Variants in CDYL2 observed in about 807,000 individuals in gnomAD.
The protein encoded by CDYL2 is chromodomain Y like 2.
CDYL2 carries 23 observed loss-of-function variants against 49.4 expected under a neutral mutation model. The ratio of observed to expected loss-of-function variants is 0.47; its 90% CI spans 0.34 to 0.66. The LOEUF is 0.66. Among genes scored for constraint, CDYL2 ranks in the 30% least tolerant of loss-of-function variants. The pLI is 0.01. For missense variants in CDYL2, 678 were observed against 656.4 expected, an observed-to-expected ratio of 1.03 and a Z score of -0.36; for synonymous variants, 360 against 268.8, an observed-to-expected ratio of 1.34 and a Z score of -3.32.
intron 2 of CDYL2, among the ~76,000 whole-genome samples, chr16:80,666,094 A>T (rs1909251614): frequency 6.6e-6 from 1 of 152,166 alleles, no homozygotes; most frequent in Non-Finnish European, 1.5e-5. Context: ...CCACTGCTTC[A>T]TCCTTTCTGG....
intron 1 of CDYL2, among the ~76,000 whole-genome samples, chr16:80,707,899 C>T (rs1904460125): frequency 6.6e-6 from 1 of 152,152 alleles, no homozygotes; most frequent in African/African-American, 2.4e-5. Flanking sequence ...CCATTGATGC[C>T]TCTTAAACCA....
rs114775251 is a variant in CDYL2 at position 80,710,685 on chromosome 16, T to C, written c.25-25556A>G. ...TTTTAGTTGTATTGTCACGATAGGA[T>C]TGAAGGTGATCTATTGTACATCTTG... On this transcript the variant is annotated intron_variant, in intron 1 of 6. Transcript: ENST00000570137. Among the ~76,000 whole-genome samples the C allele has an allele frequency of 4.0e-3, 610 of 152,256 alleles. 4 individuals carry two copies. The highest frequency in any genetic ancestry group is 0.014 in the African/African-American group (587 of 41,544).
At chr16:80,793,581 A>T (rs1400021549) in intron 1 of CDYL2, among the ~76,000 whole-genome samples, 2 of 152,192 alleles carry the variant, frequency 1.3e-5, no homozygotes, top group Non-Finnish European at 2.9e-5. Context: ...TTTACTGAAA[A>T]GCTACAGGTC....
intron 1 of CDYL2, among the ~76,000 whole-genome samples, chr16:80,697,776 C>A (rs1904281890): frequency 1.3e-5 from 2 of 151,656 alleles, no homozygotes; most frequent in African/African-American, 4.8e-5. Flanking sequence ...AACAAACTAG[C>A]TGAAAAAGAA....
chr16:80,716,241 T>C (rs1346232925), intron 1 of CDYL2, among the ~76,000 whole-genome samples: 6 of 152,282 alleles, frequency 3.9e-5, no homozygotes, highest in African/African-American at 1.4e-4. Context: ...ATATATGCTA[T>C]TTCCTTCCAA....
At chr16:80,662,645 A>T in intron 2 of CDYL2, 1 of 435,044 alleles carries the variant, frequency 2.3e-6, no homozygotes, top group Non-Finnish European at 4.6e-6. Context: ...AATGATGAAA[A>T]TGTTCAATAT....
chr16:80,753,700 T>C lies in CDYL2; in HGVS notation c.24+50450A>G, dbSNP rs527491176. Among the ~76,000 whole-genome samples the C allele has an allele frequency of 1.3e-3, 191 of 152,294 alleles. No homozygotes were observed. In the Middle Eastern group the frequency reaches 0.014, roughly 11 times the overall value. ...TCTTCCAGAAGGTAACATGGCAAAG[T>C]GCCTTCATGACCTTCAGATAGAAAA... On this transcript the variant is annotated intron_variant, in intron 1 of 6. Coordinates refer to ENST00000570137, the MANE Select transcript of CDYL2 (RefSeq NM_152342.4).
intron 3 of CDYL2, among the ~76,000 whole-genome samples, chr16:80,629,538 A>G (rs2123282): frequency 0.079 from 11,972 of 152,156 alleles, 1,562 homozygotes; most frequent in African/African-American, 0.27. Flanking sequence ...TCTTCTCCCA[A>G]TGGGGAAGTG....
chr16:80,738,608 G>A (rs1407956890), intron 1 of CDYL2: 1 of 152,156 alleles, frequency 6.6e-6, no homozygotes, highest in African/African-American at 2.4e-5. Flanking sequence ...GGCTAAGGTG[G>A]GGACACAAGA....
At chr16:80,627,292 TA>T (rs910324034) in intron 3 of CDYL2, among the ~76,000 whole-genome samples, 125 of 141,228 alleles carry the variant, frequency 8.9e-4, no homozygotes, top group South Asian at 1.3e-3. Flanking sequence ...GAGAGGCAAA[TA>T]AAAAAAAAAA....
chr16:80,745,692 G>C (rs1000398389), intron 1 of CDYL2, among the ~76,000 whole-genome samples: 1 of 152,172 alleles, frequency 6.6e-6, no homozygotes, highest in Admixed American at 6.5e-5. Context: ...TGGAGCAAGA[G>C]GTGATTTCTG....
chr16:80,598,708 C>T lies in CDYL2; in HGVS notation c.*5680G>A, dbSNP rs1424812594. ...GGGACTACACAGTAGAAACACCAAC[C>T]TGAGATAGTGAGCTTCAATTAGAAA... On this transcript the variant is annotated 3_prime_UTR_variant, in exon 7 of 7. Coordinates refer to ENST00000570137, the MANE Select transcript of CDYL2 (RefSeq NM_152342.4). 1 of 152,118 alleles carries T rather than the reference C, an allele frequency of 6.6e-6. No homozygotes were observed. The highest frequency in any genetic ancestry group is 1.5e-5 in the Non-Finnish European group (1 of 68,036). The allele number at this position is 152,118 out of a possible 1,614,324, so 9.4% of individuals were successfully genotyped here.
intron 1 of CDYL2, among the ~76,000 whole-genome samples, chr16:80,706,505 C>T (rs910397420): frequency 5.3e-5 from 8 of 152,204 alleles, no homozygotes; most frequent in East Asian, 1.9e-4. Context: ...CATTGTTGCA[C>T]GTTGCAGGGA....
At chr16:80,679,699 C>T (rs1909897060) in intron 2 of CDYL2, 1 of 455,966 alleles carries the variant, frequency 2.2e-6, no homozygotes, top group African/African-American at 2.0e-5. Flanking sequence ...ACTCCAGGTG[C>T]AGAGCACAAG....
chr16:80,724,930 G>C (rs977742111), intron 1 of CDYL2, among the ~76,000 whole-genome samples: 1 of 152,128 alleles, frequency 6.6e-6, no homozygotes, highest in Middle Eastern at 3.2e-3. Context: ...CTGTAAGATC[G>C]TGTCCTCAAA....
intron 1 of CDYL2, among the ~76,000 whole-genome samples, chr16:80,761,020 C>G (rs985447814): frequency 6.6e-6 from 1 of 152,148 alleles, no homozygotes; most frequent in Admixed American, 6.5e-5. Flanking sequence ...GTGCAATAGA[C>G]TTCAGAATGT....
At chr16:80,754,360 G>C (rs764928393) in intron 1 of CDYL2, among the ~76,000 whole-genome samples, 9 of 152,136 alleles carry the variant, frequency 5.9e-5, no homozygotes, top group Non-Finnish European at 1.2e-4. Flanking sequence ...CAAGAATCTA[G>C]GATTTGGAAC....
chr16:80,748,683 T>C (rs1414110814), intron 1 of CDYL2, among the ~76,000 whole-genome samples: 2 of 151,948 alleles, frequency 1.3e-5, no homozygotes, highest in Admixed American at 1.3e-4. Context: ...ACCCAATGCA[T>C]TATTACCAGC....
chr16:80,703,719 G>A (rs563151172), intron 1 of CDYL2, among the ~76,000 whole-genome samples: 200 of 152,176 alleles, frequency 1.3e-3, no homozygotes, highest in Middle Eastern at 3.4e-3. Flanking sequence ...GCTTCTCCAC[G>A]GCTATTCCTG....
Sources: gnomAD v4.1 joint callset for allele counts (sites outside exome capture counted in the v4.1 genomes callset) on GRCh38, gnomAD v4.1.1 for gene constraint, MANE v1.5 for transcripts, NCBI Gene and HGNC (gene_info 2026-07-23, HGNC 2026-07-21) for gene names.